SCUBE2: variants seen among roughly 807,000 people sequenced by gnomAD.
The protein encoded by SCUBE2 is signal peptide, CUB domain and EGF like domain containing 2, also known as signal peptide, CUB and EGF-like domain-containing protein 2.
Under a neutral mutation model 125.9 loss-of-function variants are expected in SCUBE2, and 114 were observed. That is an observed-to-expected ratio of 0.91 (90% CI 0.78 to 1.06). The LOEUF (loss-of-function observed/expected upper bound fraction) is 1.06. Among genes scored for constraint, SCUBE2 ranks in the 50% least tolerant of loss-of-function variants. The pLI is 0.00. For missense variants in SCUBE2, 1,255 were observed against 1,301.8 expected (o/e 0.96, Z 0.55); for synonymous variants, 459 against 492.9 (o/e 0.93, Z 0.91).
At chr11:9,032,745 T>G (rs1856423688) in intron 17 of SCUBE2, among the ~76,000 whole-genome samples, 2 of 152,040 alleles carry the variant, frequency 1.3e-5, no homozygotes, top group Non-Finnish European at 2.9e-5. Context: ...GAAAATATAA[T>G]AATAATGTCA....
chr11:9,072,959 C>T (rs1218440421), intron 4 of SCUBE2, among the ~76,000 whole-genome samples: 1 of 152,076 alleles, frequency 6.6e-6, no homozygotes, highest in Non-Finnish European at 1.5e-5. Context: ...TCTGGAAGTA[C>T]AGGGATAAGA....
chr11:9,055,181 T>C (rs1173645784), intron 10 of SCUBE2, among the ~76,000 whole-genome samples: 2 of 152,206 alleles, frequency 1.3e-5, no homozygotes, highest in African/African-American at 2.4e-5. Context: ...CAAAGATTGC[T>C]GGGTGAATCT....
chr11:9,086,040 C>T (rs938935197), intron 2 of SCUBE2, among the ~76,000 whole-genome samples: 10 of 152,084 alleles, frequency 6.6e-5, no homozygotes, highest in African/African-American at 2.4e-4. Flanking sequence ...CACTATGTTG[C>T]CCAGGCTGGT....
Position 9,064,072 on chromosome 11 carries a change from G to GGT in SCUBE2, c.850+1817_850+1818dup, listed in dbSNP as rs370068434. Among the ~76,000 whole-genome samples the GGT allele has an allele frequency of 7.0e-3, 1,057 of 151,264 alleles. 9 individuals carry two copies. Among genetic ancestry groups the GGT allele is most frequent in the African/African-American group, 0.024 (990 of 41,356 alleles). The stretch of plus-strand genomic sequence containing the variant: ...ATATTAAGGGTATAGGGAGAGGTCA[G>GGT]GTGTGTGTGTGTGTGTATTGCGGGG... On this transcript the variant is annotated intron_variant, in intron 7 of 22. Coordinates refer to ENST00000649792, the MANE Select transcript of SCUBE2 (RefSeq NM_001367977.2).
At chr11:9,060,056 T>C (rs75043630) in intron 8 of SCUBE2, among the ~76,000 whole-genome samples, 2,847 of 152,344 alleles carry the variant, frequency 0.019, 34 homozygotes, top group Middle Eastern at 0.031. Flanking sequence ...CTGTTATTTA[T>C]ATAATAATCT....
rs761376478 is a variant in SCUBE2 at position 9,027,424 on chromosome 11, G to T, written c.2641C>A (p.Pro881Thr). The change falls in exon 20 of 23, where the codon CCT becomes ACT. Residue 881 changes from proline (P) to threonine (T), a missense_variant. Around this residue, in one of 3 missense-constraint regions of SCUBE2, gnomAD observed 515 missense variants for 515.7 expected, o/e 1.00. Coordinates refer to ENST00000649792, the MANE Select transcript of SCUBE2 (RefSeq NM_001367977.2). ...PPKRRILIVV[P>T]EIFLPIEDDC... is the part of the protein sequence containing the mutation. ...TCCTCTATGGGCAGGAAGATCTCAG[G>T]GACCACGATCAGGATGCGGCGCTTG... is the stretch of plus-strand genomic sequence containing the variant. 6.2e-7 allele frequency: 1 copy of T among 1,613,982 alleles called. No homozygotes were observed. The highest frequency in any genetic ancestry group is 8.5e-7 in the Non-Finnish European group (1 of 1,179,998).
chr11:9,047,058 C>T (rs201125895), intron 16 of SCUBE2, among the ~76,000 whole-genome samples: 2 of 107,116 alleles, frequency 1.9e-5, no homozygotes, highest in African/African-American at 7.1e-5. Flanking sequence ...ATCAGAACAT[C>T]AGCCACTTCT....
intron 6 of SCUBE2, 140 bp downstream of exon 6, chr11:9,066,557 C>A (rs1454131357): frequency 4.2e-5 from 29 of 686,568 alleles, no homozygotes; most frequent in Middle Eastern, 4.1e-4. Context: ...CCCACTGTAG[C>A]ATGCGAAGCA....
chr11:9,079,533 C>G, intron 2 of SCUBE2, 24 bp from the exon 3 acceptor site: 8 of 1,610,358 alleles, frequency 5.0e-6, no homozygotes, highest in Non-Finnish European at 5.9e-6. Context: ...CAGAAGTAAA[C>G]CAGACAGGTG....
At chr11:9,089,597 G>C in intron 2 of SCUBE2, 110 bp downstream of exon 2, 1 of 1,238,026 alleles carries the variant, frequency 8.1e-7, no homozygotes, top group Non-Finnish European at 1.1e-6. Flanking sequence ...CAGGGGCTGG[G>C]GGAAAGGGAG....
chr11:9,022,700 CT>C (rs1332519276), intron 21 of SCUBE2: 3 of 152,582 alleles, frequency 2.0e-5, no homozygotes, highest in African/African-American at 7.2e-5. Context: ...TTTGGTTTTC[CT>C]CCTACCTTAC....
chr11:9,049,746 A>G (rs1858160173), intron 14 of SCUBE2, among the ~76,000 whole-genome samples: 1 of 152,220 alleles, frequency 6.6e-6, no homozygotes, highest in Non-Finnish European at 1.5e-5. Flanking sequence ...TTTGGATTGT[A>G]TTAGATATAC....
At chr11:9,082,309 T>C (rs980994047) in intron 2 of SCUBE2, among the ~76,000 whole-genome samples, 2 of 152,226 alleles carry the variant, frequency 1.3e-5, no homozygotes. Flanking sequence ...GTTGATATTG[T>C]CTTTTGATGT....
chr11:9,047,190 G>A (rs1857863273), intron 16 of SCUBE2, among the ~76,000 whole-genome samples, 166 bp downstream of exon 16: 1 of 152,134 alleles, frequency 6.6e-6, no homozygotes, highest in Admixed American at 6.5e-5. Context: ...GGCCTAGCAG[G>A]GACGACAGAC....
At chr11:9,040,945 G>A (rs77257737) in intron 16 of SCUBE2, among the ~76,000 whole-genome samples, 1 of 152,338 alleles carries the variant, frequency 6.6e-6, no homozygotes, top group East Asian at 1.9e-4. Context: ...AGGCACTAGT[G>A]TATTACCTCT....
rs1265078388 is a variant in SCUBE2, at chr11:9,025,833, G to A, written c.2723C>T (p.Thr908Ile). The A allele has an allele frequency of 6.2e-7, 1 of 1,614,060 alleles. No homozygotes were observed. The highest frequency in any genetic ancestry group is 2.2e-5 in the East Asian group (1 of 44,894). Residue 908 changes from threonine to isoleucine, a missense_variant, in exon 21 of 23, where the codon ACA (threonine) becomes ATA (isoleucine). Transcript: ENST00000649792. ...RKTSSSNSVT[T>I]YETCQTYERP... ...TTCGTAGGTCTGGCAGGTTTCATATGTTGTCACAGAATTGGATGAAGCTGC... is the reference window on the plus strand; with the variant it reads ...TTCGTAGGTCTGGCAGGTTTCATATATTGTCACAGAATTGGATGAAGCTGC...
chr11:9,029,701 C>T (rs916669666), intron 19 of SCUBE2, among the ~76,000 whole-genome samples, 183 bp downstream of exon 19: 7 of 152,210 alleles, frequency 4.6e-5, no homozygotes, highest in Non-Finnish European at 8.8e-5. Flanking sequence ...AAAGATGAGT[C>T]GCTCTGCACA....
chr11:9,071,070 GC>G (rs1860751932), intron 4 of SCUBE2, among the ~76,000 whole-genome samples: 1 of 152,222 alleles, frequency 6.6e-6, no homozygotes, highest in Non-Finnish European at 1.5e-5. Flanking sequence ...GGTGACAGCT[GC>G]CTCTAGAAGC....
intron 13 of SCUBE2, 143 bp from the exon 14 acceptor site, chr11:9,050,853 G>T: frequency 1.4e-6 from 1 of 691,004 alleles, no homozygotes. Context: ...GGCTAAGAGT[G>T]GCTTGGATCA....
Sources: allele counts gnomAD v4.1 joint callset (sites outside exome capture counted in the v4.1 genomes callset), GRCh38; gene constraint gnomAD v4.1.1; regional missense constraint gnomAD v4.1.1; transcripts MANE v1.5; gene names NCBI Gene and HGNC (gene_info 2026-07-23, HGNC 2026-07-21).